The following AMY2A variants were observed in gnomAD, a reference collection of about 807,000 sequenced individuals.
AMY2A encodes the protein amylase alpha 2A.
AMY2A carries 16 observed loss-of-function variants against 43.0 expected under a neutral mutation model. The observed-to-expected ratio is 0.37, with a 90% confidence interval of 0.25 to 0.56. The LOEUF (loss-of-function observed/expected upper bound fraction) is 0.56. Ranked by LOEUF, AMY2A falls within the 20% of genes least tolerant of loss-of-function variation. The pLI, the probability that AMY2A is intolerant of heterozygous loss-of-function variation, is 0.77. For missense variants in AMY2A, 212 were observed against 456.8 expected, an observed-to-expected ratio of 0.46 and a Z score of 4.89; for synonymous variants, 70 against 144.6, an observed-to-expected ratio of 0.48 and a Z score of 3.70.
upstream of AMY2A, chr1:103,617,313 C>T (rs1046695979): frequency 1.3e-6 from 2 of 1,513,100 alleles, no homozygotes; most frequent in African/African-American, 1.4e-5. Context: ...TATTGATAAT[C>T]CTTTTCAGAT....
chr1:103,619,154 C>G (rs1010178123), intron 3 of AMY2A, 46 bp downstream of exon 3: 6 of 645,790 alleles, frequency 9.3e-6, no homozygotes, highest in Middle Eastern at 4.2e-4. Context: ...TAATATATGC[C>G]TTTTCTTGTA....
Position 103,619,031 on chromosome 1 carries a change from TATTC to T in AMY2A, c.437_440del (p.Tyr146LeufsTer31). 2 of 1,305,412 alleles carry T rather than the reference TATTC, an allele frequency of 1.5e-6. No homozygotes were observed. The highest frequency in any genetic ancestry group is 2.9e-5 in the South Asian group (2 of 68,320). The allele number at this position is 1,305,412 out of a possible 1,614,324, so 80.9% of individuals were successfully genotyped here. On this transcript the variant is annotated frameshift_variant, in exon 3 of 10. Transcript: ENST00000414303. LOFTEE classifies it high-confidence loss of function. Reference sequence around the variant, plus strand: ...AAGTAGGGACTTTCCAGCAGTCCCATATTCTGGATGGGATTTCAATGATGGTAAA... The same window carrying T: ...AAGTAGGGACTTTCCAGCAGTCCCATTGGATGGGATTTCAATGATGGTAAA...
intron 4 of AMY2A, 57 bp downstream of exon 4, chr1:103,619,841 G>A (rs771238774): frequency 6.9e-6 from 11 of 1,593,946 alleles, no homozygotes; most frequent in Admixed American, 1.7e-5. Flanking sequence ...AAAATTAATG[G>A]AAGATTTAAT....
chr1:103,623,355 G>A (rs1339150883), intron 7 of AMY2A, among the ~76,000 whole-genome samples: 1 of 131,762 alleles, frequency 7.6e-6, no homozygotes, highest in African/African-American at 3.1e-5. Context: ...GCTCACACCT[G>A]TAATCCCAGC....
At chr1:103,618,132 C>G (rs868610940) in intron 2 of AMY2A, 32 bp downstream of exon 2, 3 of 1,586,480 alleles carry the variant, frequency 1.9e-6, no homozygotes, top group East Asian at 2.2e-5. Flanking sequence ...TTAAAAATAA[C>G]AGACAGGAAA....
rs182106305 is a variant in AMY2A at position 103,617,573 on chromosome 1, C to A, written c.133C>A (p.Arg45=). 54 of 1,600,618 alleles carry A rather than the reference C, an allele frequency of 3.4e-5. 2 individuals carry two copies. The highest frequency in any genetic ancestry group is 1.0e-4 in the Admixed American group (6 of 59,686). Residue 45 remains arginine, a synonymous_variant, in exon 1 of 10, where the codon CGA becomes AGA. Coordinates refer to ENST00000414303, the MANE Select transcript of AMY2A (RefSeq NM_000699.4). The part of the protein sequence containing the change: ...RWVDIALECE[R]YLAPKGFGGV... ...GGTTGATATTGCTCTTGAATGTGAG[C>A]GATATTTAGCTCCGAAGGGATTTGG...
chr1:103,617,149 A>G (rs1424441870), upstream of AMY2A: 21 of 969,876 alleles, frequency 2.2e-5, no homozygotes, highest in Middle Eastern at 3.5e-4. Flanking sequence ...TTGGTTTTCT[A>G]CTGTTATGTG....
At chr1:103,617,829 T>C in intron 1 of AMY2A, 125 bp from the exon 2 acceptor site, 3 of 1,543,858 alleles carry the variant, frequency 1.9e-6, no homozygotes, top group Non-Finnish European at 2.6e-6. Flanking sequence ...GCTGTTAATA[T>C]TTTCAAGAGA....
chr1:103,625,078 T>C (rs1653283923), intron 9 of AMY2A, among the ~76,000 whole-genome samples: 1 of 120,386 alleles, frequency 8.3e-6, no homozygotes, highest in South Asian at 2.5e-4. Context: ...CCAAAATAAG[T>C]TTTTGTGAAA....
At position 103,617,488 on chromosome 1, in the gene AMY2A, G is replaced by T. The variant is rs1363983568; in HGVS notation, c.48G>T (p.Gln16His). The T allele has an allele frequency of 1.9e-6, 3 of 1,600,810 alleles. No homozygotes were observed. Among genetic ancestry groups the T allele is most frequent in the East Asian group, 2.2e-5 (1 of 44,846 alleles). Residue 16 changes from glutamine (Q) to histidine (H), a missense_variant, in exon 1 of 10, where the codon CAG becomes CAT. Transcript: ENST00000414303. ...TCACCATTGGGTTCTGCTGGGCTCA[G>T]TATTCCCCAAATACACAACAAGGAC... ...LLFTIGFCWA[Q>H]YSPNTQQGRT...
intron 2 of AMY2A, among the ~76,000 whole-genome samples, chr1:103,618,624 T>A (rs1180387776): frequency 6.6e-6 from 1 of 150,586 alleles, no homozygotes; most frequent in African/African-American, 2.4e-5. Context: ...CTCATCTGAG[T>A]TTTGTCTTCC....
Position 103,618,951 on chromosome 1 carries a change from G to A in AMY2A, c.356G>A (p.Gly119Asp). 1 of 1,419,624 alleles carries A rather than the reference G, an allele frequency of 7.0e-7. No individual in the cohort carries two copies. The highest frequency in any genetic ancestry group is 2.3e-5 in the East Asian group (1 of 42,968). The allele number at this position is 1,419,624 out of a possible 1,614,324, so 87.9% of individuals were successfully genotyped here. Residue 119 changes from glycine to aspartate, a missense_variant, in exon 3 of 10, where the codon GGT becomes GAT. This residue lies in a region of AMY2A where 199 missense variants were observed against 210.6 expected (regional missense o/e 0.94). Transcript: ENST00000414303. Reference sequence around the variant, plus strand: ...GATGCTGTAATTAATCATATGTGTGGTAACGCTGTGAGTGCAGGAACAAGC... The same window carrying A: ...GATGCTGTAATTAATCATATGTGTGATAACGCTGTGAGTGCAGGAACAAGC... ...YVDAVINHMC[G>D]NAVSAGTSST...
rs529288339 is a variant in AMY2A, at chr1:103,618,969, G to T, written c.374G>T (p.Gly125Val). 7 of 1,421,228 alleles carry T rather than the reference G, an allele frequency of 4.9e-6. 1 individual carries two copies. The South Asian group carries it at 9.4e-5, about 19-fold the overall frequency. 88.0% of individuals were successfully genotyped at this position (1,421,228 alleles called of 1,614,324 possible). Residue 125 changes from glycine to valine, a missense_variant, in exon 3 of 10, where the codon GGA (glycine) becomes GTA (valine). Transcript: ENST00000414303. ...NHMCGNAVSA[G>V]TSSTCGSYFN... ...ATGTGTGGTAACGCTGTGAGTGCAG[G>T]AACAAGCAGTACCTGTGGAAGTTAC... is the stretch of plus-strand genomic sequence containing the variant.
chr1:103,625,005 C>T (rs1653282529), intron 9 of AMY2A, among the ~76,000 whole-genome samples: 2 of 129,512 alleles, frequency 1.5e-5, no homozygotes, highest in South Asian at 2.3e-4. Context: ...TCAAGTTGAT[C>T]TCTTTCCTGC....
intron 1 of AMY2A, among the ~76,000 whole-genome samples, 159 bp downstream of exon 1, chr1:103,617,767 CTTTATAT>C (rs1653119877): frequency 6.6e-6 from 1 of 150,558 alleles, no homozygotes; most frequent in African/African-American, 2.4e-5. Context: ...TTCTTGGCAA[CTTTATAT>C]TTTGTTTCTG....
At chr1:103,619,489 T>C in intron 3 of AMY2A, 65 bp from the exon 4 acceptor site, 1 of 1,524,028 alleles carries the variant, frequency 6.6e-7, no homozygotes, top group Non-Finnish European at 9.1e-7. Flanking sequence ...AAATGAATAA[T>C]CCAATGGATT....
upstream of AMY2A, chr1:103,617,312 T>A: frequency 1.3e-6 from 2 of 1,512,030 alleles, no homozygotes; most frequent in Non-Finnish European, 1.8e-6. Flanking sequence ...TTATTGATAA[T>A]CCTTTTCAGA....
At position 103,617,821 on chromosome 1, in the gene AMY2A, T is replaced by A; in HGVS notation, c.169-133T>A. 4.6e-6 allele frequency: 7 copies of A among 1,537,144 alleles called. 1 individual carries two copies. The highest frequency in any genetic ancestry group is 6.1e-6 in the Non-Finnish European group (7 of 1,139,020). Reference sequence around the variant, plus strand: ...CTTCACCAAGAGCCCTCCAATGTGCTGTTAATATTTTCAAGAGATAGCTGC... The same window carrying A: ...CTTCACCAAGAGCCCTCCAATGTGCAGTTAATATTTTCAAGAGATAGCTGC... On this transcript the variant is annotated intron_variant, in intron 1 of 9. Transcript: ENST00000414303.
upstream of AMY2A, chr1:103,617,188 T>C (rs1276969285): frequency 4.7e-6 from 5 of 1,059,114 alleles, no homozygotes; most frequent in African/African-American, 6.3e-5. Context: ...AACAGGTCAC[T>C]GTTTAAGGAA....
Sources: allele counts gnomAD v4.1 joint callset (sites outside exome capture counted in the v4.1 genomes callset), GRCh38; gene constraint gnomAD v4.1.1; regional missense constraint gnomAD v4.1.1; transcripts MANE v1.5; gene names NCBI Gene and HGNC (gene_info 2026-07-23, HGNC 2026-07-21).